The following DNAH3 variants were observed in gnomAD, a reference collection of about 807,000 sequenced individuals.
DNAH3 encodes axonemal beta dynein heavy chain 3.
Under a neutral mutation model 432.5 loss-of-function variants are expected in DNAH3, and 332 were observed. The ratio of observed to expected loss-of-function variants is 0.77; its 90% CI spans 0.70 to 0.84. The LOEUF (loss-of-function observed/expected upper bound fraction) is 0.84, where lower values mean the gene tolerates loss of function less well. DNAH3 is among the 40% of genes least tolerant of loss of function. The pLI is 0.00. For synonymous variants in DNAH3, 1,956 were observed against 1,900.2 expected (o/e 1.03, Z -0.76); for missense variants, 4,861 against 5,114.0 (o/e 0.95, Z 1.51).
At chr16:21,122,508 C>T (rs1042486219) in intron 9 of DNAH3, among the ~76,000 whole-genome samples, 11 of 152,204 alleles carry the variant, frequency 7.2e-5, no homozygotes, top group Admixed American at 5.9e-4. Flanking sequence ...AGTGAGATCA[C>T]GCCGTTACAC....
chr16:20,987,268 C>A, intron 47 of DNAH3, 37 bp downstream of exon 47: 1 of 1,609,782 alleles, frequency 6.2e-7, no homozygotes, highest in Non-Finnish European at 8.5e-7. Context: ...CACTTGGAAC[C>A]ATTTCTGAGG....
rs567845048 is a variant in DNAH3 at position 21,060,901 on chromosome 16, G to A, written c.3721-545C>T. 4.7e-4 allele frequency among the ~76,000 whole-genome samples: 69 copies of A among 146,612 alleles called. 1 individual carries two copies. Among genetic ancestry groups the A allele is most frequent in the Admixed American group, 4.5e-3 (64 of 14,126 alleles). Reference sequence around the variant, plus strand: ...CATCCAGACTGGAGTGCGGTGGCACGATCCTGGCTCACTGCAGCCTTGAAC... The same window carrying A: ...CATCCAGACTGGAGTGCGGTGGCACAATCCTGGCTCACTGCAGCCTTGAAC... On this transcript the variant is annotated intron_variant, in intron 25 of 61. Transcript: ENST00000261383.
rs1567735750 is a variant in DNAH3 at position 21,069,412 on chromosome 16, T to G, written c.3381+3A>C. On this transcript the variant is annotated splice_donor_region_variant and intron_variant, in intron 23 of 61. Coordinates refer to ENST00000261383, the Ensembl canonical transcript of DNAH3. ...TAAGAGTTATTAGGGTATAAAAACT[T>G]ACCGCTTGGGACATAAGTGATTTCC... The G allele has an allele frequency of 6.2e-7, 1 of 1,612,824 alleles. No individual in the cohort carries two copies. Among genetic ancestry groups the G allele is most frequent in the East Asian group, 2.2e-5 (1 of 44,864 alleles).
chr16:20,962,403 T>C (rs1368085266), intron 53 of DNAH3, among the ~76,000 whole-genome samples: 1 of 152,198 alleles, frequency 6.6e-6, no homozygotes, highest in African/African-American at 2.4e-5. Context: ...GAGGCTTCTT[T>C]AAACTCCCCA....
exon 14 of DNAH3, chr16:21,111,796 A>G (rs759062164): frequency 6.2e-7 from 1 of 1,613,158 alleles, no homozygotes; most frequent in Non-Finnish European, 8.5e-7. Flanking sequence ...TCTTTATGGC[A>G]TTGATCTTCT....
chr16:21,107,368 T>G (rs1218057186), intron 14 of DNAH3, among the ~76,000 whole-genome samples: 1 of 150,260 alleles, frequency 6.7e-6, no homozygotes, highest in Non-Finnish European at 1.5e-5. Context: ...GCCTCCCGAG[T>G]AGCTGGGATT....
exon 49 of DNAH3, chr16:20,982,879 A>G (rs774789060): frequency 1.2e-6 from 2 of 1,613,840 alleles, no homozygotes; most frequent in African/African-American, 2.7e-5. Context: ...CCCCTATTGG[A>G]CTCATGGCTA....
At position 20,985,662 on chromosome 16, in the gene DNAH3, G is replaced by T. The variant is rs1233082644; in HGVS notation, c.7080C>A (p.Ser2360Arg). The T allele has an allele frequency of 2.5e-6, 4 of 1,614,052 alleles. No individual in the cohort carries two copies. The highest frequency in any genetic ancestry group is 3.4e-6 in the Non-Finnish European group (4 of 1,180,036). ...GCTTGAAATAATCTCCAAAGAAGAGGCTTCGAATGTTATCATCGACTATCT... is the reference window on the plus strand; with the variant it reads ...GCTTGAAATAATCTCCAAAGAAGAGTCTTCGAATGTTATCATCGACTATCT... Residue 2360 changes from serine (S) to arginine (R), a missense_variant, in exon 48 of 62, where the codon AGC becomes AGA. By Grantham distance (110) the Ser-to-Arg change is moderately radical. Coordinates refer to ENST00000261383, the Ensembl canonical transcript of DNAH3.
rs567912027 is a variant in DNAH3, at chr16:21,106,468, T to C, written c.2284+22A>G. On this transcript the variant is annotated intron_variant, in intron 15 of 61. Transcript: ENST00000261383. ...TACATATAGGTATGCATTTCGATGG[T>C]CACACATGGCATTGGACTTACACGG... The C allele has an allele frequency of 5.8e-6, 9 of 1,548,148 alleles. No individual in the cohort carries two copies. In the East Asian group the frequency reaches 1.8e-4, roughly 31 times the overall value.
chr16:21,093,460 T>C (rs543406859), intron 18 of DNAH3, among the ~76,000 whole-genome samples: 1 of 152,312 alleles, frequency 6.6e-6, no homozygotes, highest in South Asian at 2.1e-4. Context: ...AAAGTGTCCA[T>C]TGATTGAAAG....
At chr16:21,022,242 G>A (rs2088275480) in intron 39 of DNAH3, 142 bp from the exon 40 acceptor site, 3 of 789,608 alleles carry the variant, frequency 3.8e-6, no homozygotes, top group Non-Finnish European at 6.1e-6. Flanking sequence ...AAACTTATAG[G>A]CAACAAGACC....
At chr16:20,993,277 A>G (rs913003127) in intron 44 of DNAH3, among the ~76,000 whole-genome samples, 1 of 152,172 alleles carries the variant, frequency 6.6e-6, no homozygotes, top group Non-Finnish European at 1.5e-5. Context: ...CAACTGTTCT[A>G]TATCTACATC....
intron 27 of DNAH3, among the ~76,000 whole-genome samples, chr16:21,054,870 CA>C (rs934120914): frequency 1.7e-4 from 26 of 152,088 alleles, no homozygotes; most frequent in Admixed American, 1.4e-3. Context: ...GGCCTGAGGA[CA>C]TTTTTTTTGG....
chr16:20,966,039 TTTTTTTTTTTTTTTTG>T (rs2085047466), intron 52 of DNAH3, among the ~76,000 whole-genome samples: 1 of 100,382 alleles, frequency 1.0e-5, no homozygotes, highest in African/African-American at 4.4e-5. Flanking sequence ...TTTTTTTTTT[TTTTTTTTTTTTTTTTG>T]AGATGGAGTC....
rs1281355840 is a variant in DNAH3, at chr16:21,031,206, AG to A, written c.5277del (p.Phe1760LeufsTer4). 1.2e-6 allele frequency: 2 copies of A among 1,614,188 alleles called. No homozygotes were observed. On this transcript the variant is annotated frameshift_variant, in exon 37 of 62. Coordinates refer to ENST00000261383, the Ensembl canonical transcript of DNAH3. LOFTEE classifies it high-confidence loss of function. ...ATCCACTCGTGGCTCACTTGGTCAA[AG>A]CACCCATACAGCTGCCCCATCGTGA... is the stretch of plus-strand genomic sequence containing the variant.
At chr16:21,047,950 G>C (rs1290993348) in intron 31 of DNAH3, among the ~76,000 whole-genome samples, 2 of 151,988 alleles carry the variant, frequency 1.3e-5, no homozygotes, top group African/African-American at 2.4e-5. Flanking sequence ...AGGTGTCAGT[G>C]TGCCCCTGCT....
In DNAH3 at chr16:21,127,667, C is replaced by T; in HGVS notation, c.1208+20G>A. On this transcript the variant is annotated intron_variant, in intron 8 of 61. Coordinates refer to ENST00000261383, the Ensembl canonical transcript of DNAH3. ...TTTAAGATACCATGGTGCAGCCCCA[C>T]TTGGAGGGCAGATACTGACTTGTTG... 6.2e-7 allele frequency: 1 copy of T among 1,613,552 alleles called. No individual in the cohort carries two copies. The highest frequency in any genetic ancestry group is 8.5e-7 in the Non-Finnish European group (1 of 1,179,756).
intron 43 of DNAH3, among the ~76,000 whole-genome samples, chr16:20,997,968 C>T (rs976891663): frequency 2.0e-5 from 3 of 152,128 alleles, no homozygotes; most frequent in Admixed American, 6.5e-5. Context: ...GATTGTGCCA[C>T]TGCACTCCAT....
At chr16:21,136,125 C>A (rs551677488) in intron 6 of DNAH3, among the ~76,000 whole-genome samples, 199 bp downstream of exon 7, 1 of 151,812 alleles carries the variant, frequency 6.6e-6, no homozygotes, top group South Asian at 2.1e-4. Flanking sequence ...AAAGAAGATG[C>A]CTTCCAGGCC....
Sources: allele counts gnomAD v4.1 joint callset (sites outside exome capture counted in the v4.1 genomes callset), GRCh38; gene constraint gnomAD v4.1.1; transcripts MANE v1.5; gene names NCBI Gene and HGNC (gene_info 2026-07-23, HGNC 2026-07-21).